The following ABHD2 variants were observed in gnomAD, a reference collection of about 807,000 sequenced individuals.
ABHD2 encodes abhydrolase domain containing 2, acylglycerol lipase.
In ABHD2, 20 loss-of-function variants were observed where a neutral mutation model predicts 48.1. That is an observed-to-expected ratio of 0.42 (90% confidence interval 0.29 to 0.60). The LOEUF is 0.60. ABHD2 is among the 20% of genes least tolerant of loss of function. The probability of loss-of-function intolerance (pLI) is 0.24; values close to 1 mark genes in which losing one functional copy is unlikely to be tolerated. For synonymous variants in ABHD2, 209 were observed against 214.2 expected, an observed-to-expected ratio of 0.98 and a Z score of 0.21; for missense variants, 405 against 550.9, an observed-to-expected ratio of 0.74 and a Z score of 2.65.
At chr15:89,133,033 T>G (rs1487737581) in intron 3 of ABHD2, among the ~76,000 whole-genome samples, 1 of 152,226 alleles carries the variant, frequency 6.6e-6, no homozygotes, top group Non-Finnish European at 1.5e-5. Context: ...ATCATTTCCT[T>G]CCTCTTACAT....
the ABHD2 span, among the ~76,000 whole-genome samples, chr15:89,069,065 T>C: frequency 6.6e-6 from 1 of 151,544 alleles, no homozygotes; most frequent in Non-Finnish European, 1.5e-5. Context: ...ACAGAAGATA[T>C]TGGTATGTCA....
At chr15:89,041,005 T>C in the ABHD2 span, among the ~76,000 whole-genome samples, 1 of 152,236 alleles carries the variant, frequency 6.6e-6, no homozygotes. Context: ...AATAGGGCTC[T>C]AGCAAGAAGA....
In ABHD2 at chr15:89,201,292, TGTTA is replaced by T. The variant is rs1358267537; in HGVS notation, c.*5873_*5876del. Reference sequence around the variant, plus strand: ...CTCCCTGAAGTCTTTTACACTCTTCTGTTAGTTTCCTTGTTTCAGTATCATGAAG... The same window carrying T: ...CTCCCTGAAGTCTTTTACACTCTTCTGTTTCCTTGTTTCAGTATCATGAAG... On this transcript the variant is annotated 3_prime_UTR_variant, in exon 11 of 11. Transcript: ENST00000352732. 1 of 1,152,346 alleles carries T rather than the reference TGTTA, an allele frequency of 8.7e-7. No homozygotes were observed. Among genetic ancestry groups the T allele is most frequent in the Non-Finnish European group, 1.3e-6 (1 of 776,604 alleles). The allele number at this position is 1,152,346 out of a possible 1,614,324, so 71.4% of individuals were successfully genotyped here. A position where few individuals can be genotyped will look rare whatever the true frequency, so the allele number is the denominator to read the frequency against.
chr15:89,201,853 C>T lies in ABHD2; in HGVS notation c.*6430C>T, dbSNP rs1014151202. 8 of 913,320 alleles carry T rather than the reference C, an allele frequency of 8.8e-6. No individual in the cohort carries two copies. Among genetic ancestry groups the T allele is most frequent in the African/African-American group, 5.0e-5 (3 of 59,484 alleles). The allele number at this position is 913,320 out of a possible 1,614,324, so 56.6% of individuals were successfully genotyped here. ...CGGCTTGCTCGCTGGGGGCGGGGGA[C>T]GATGGCGAGAGGGGAGGGGGAGCGA... is the stretch of plus-strand genomic sequence containing the variant. On this transcript the variant is annotated 3_prime_UTR_variant, in exon 11 of 11. Coordinates refer to ENST00000352732, the MANE Select transcript of ABHD2 (RefSeq NM_152924.5).
intron 3 of ABHD2, among the ~76,000 whole-genome samples, chr15:89,150,106 G>A (rs575427298): frequency 6.6e-5 from 10 of 152,284 alleles, no homozygotes; most frequent in African/African-American, 2.2e-4. Context: ...TATTTTCTGA[G>A]ATTATATTGT....
At chr15:89,051,554 C>T in the ABHD2 span, among the ~76,000 whole-genome samples, 2 of 152,134 alleles carry the variant, frequency 1.3e-5, no homozygotes, top group Admixed American at 1.3e-4. Context: ...CAAATCTCAT[C>T]TTGAATTGTA....
Position 89,146,005 on chromosome 15 carries a change from T to TA in ABHD2, c.195-5671dup, listed in dbSNP as rs2050485170. On this transcript the variant is annotated intron_variant, in intron 3 of 10. Transcript: ENST00000352732. The surrounding 1 kb of genome is among the most constrained non-coding windows in gnomAD (Gnocchi z 4.2). ...GACAGAAACTTCAAATGCTGAGGAG[T>TA]AGCTGCTGATGGGCATTTTGTTCAC... Among the ~76,000 whole-genome samples, 1 of 152,026 alleles carries TA rather than the reference T, an allele frequency of 6.6e-6. No homozygotes were observed. The highest frequency in any genetic ancestry group is 6.6e-5 in the Admixed American group (1 of 15,266).
At chr15:89,067,407 G>A in the ABHD2 span, among the ~76,000 whole-genome samples, 910 of 152,306 alleles carry the variant, frequency 6.0e-3, 13 homozygotes, top group African/African-American at 0.021. Context: ...AATAGCCTGG[G>A]AGTGCTAGAA....
Position 89,168,132 on chromosome 15 carries a change from T to C in ABHD2, c.539-7680T>C, listed in dbSNP as rs1033559950. Reference sequence around the variant, plus strand: ...TGCTAGTGTCATTTGGGGAAGTGGCTGTTGAAATAATAGCTTTCAGGCAGC... The same window carrying C: ...TGCTAGTGTCATTTGGGGAAGTGGCCGTTGAAATAATAGCTTTCAGGCAGC... On this transcript the variant is annotated intron_variant, in intron 5 of 10. Transcript: ENST00000352732. The surrounding 1 kb of genome is among the most constrained non-coding windows in gnomAD (Gnocchi z 4.8). Among the ~76,000 whole-genome samples, 5 of 152,222 alleles carry C rather than the reference T, an allele frequency of 3.3e-5. No individual in the cohort carries two copies. Among genetic ancestry groups the C allele is most frequent in the African/African-American group, 1.2e-4 (5 of 41,460 alleles).
chr15:89,190,357 G>T (rs2051283606), intron 8 of ABHD2, among the ~76,000 whole-genome samples: 2 of 152,384 alleles, frequency 1.3e-5, no homozygotes, highest in African/African-American at 4.8e-5. Flanking sequence ...TGAAGGTTTT[G>T]TTACATGCCA....
rs979502872 is a variant in ABHD2 at position 89,113,793 on chromosome 15, C to G, written c.-38C>G. The stretch of plus-strand genomic sequence containing the variant: ...ACTGTACAACTCTTCAAGGAAAATT[C>G]GTATTTGCAGTGGGAAGAATAAGTA... On this transcript the variant is annotated 5_prime_UTR_variant, in exon 2 of 11. Transcript: ENST00000352732. 15 of 152,142 alleles carry G rather than the reference C, an allele frequency of 9.9e-5. No homozygotes were observed. Among genetic ancestry groups the G allele is most frequent in the African/African-American group, 3.6e-4 (15 of 41,412 alleles). The allele number at this position is 152,142 out of a possible 1,614,324, so 9.4% of individuals were successfully genotyped here. A position where few individuals can be genotyped will look rare whatever the true frequency, so the allele number is the denominator to read the frequency against.
At chr15:89,072,665 T>C in the ABHD2 span, among the ~76,000 whole-genome samples, 14 of 152,166 alleles carry the variant, frequency 9.2e-5, no homozygotes, top group Admixed American at 9.2e-4. Context: ...CATTTGTTAC[T>C]GCAGGATAAC....
chr15:89,201,503 C>G lies in ABHD2; in HGVS notation c.*6080C>G. On this transcript the variant is annotated 3_prime_UTR_variant, in exon 11 of 11. Coordinates refer to ENST00000352732, the MANE Select transcript of ABHD2 (RefSeq NM_152924.5). ...TCCATATCTGAAGTGTTTAGTGGAG[C>G]AAAAATTGTACCATAAACTTGTGTT... 1 of 1,586,982 alleles carries G rather than the reference C, an allele frequency of 6.3e-7. No individual in the cohort carries two copies. The highest frequency in any genetic ancestry group is 8.7e-7 in the Non-Finnish European group (1 of 1,155,856).
chr15:89,108,820 A>G (rs1251672234), intron 1 of ABHD2, among the ~76,000 whole-genome samples: 3 of 152,238 alleles, frequency 2.0e-5, no homozygotes, highest in African/African-American at 7.2e-5. Flanking sequence ...GTAATCATCT[A>G]TGAAGTAGGC....
intron 3 of ABHD2, among the ~76,000 whole-genome samples, chr15:89,130,502 GT>G (rs1272637513): frequency 6.6e-6 from 1 of 152,154 alleles, no homozygotes; most frequent in Non-Finnish European, 1.5e-5. Context: ...TCTGTTTCTG[GT>G]TGGTCCGGTA....
the ABHD2 span, among the ~76,000 whole-genome samples, chr15:89,050,765 G>T: frequency 3.5e-4 from 53 of 152,288 alleles, no homozygotes; most frequent in African/African-American, 1.2e-3. Context: ...GAAGGCAAGG[G>T]CAGCCTGAGT....
chr15:89,120,555 C>G lies in ABHD2; in HGVS notation c.194+4034C>G, dbSNP rs886722233. On this transcript the variant is annotated intron_variant, in intron 3 of 10. Transcript: ENST00000352732. This position sits in a 1 kb window ranked among gnomAD's most constrained non-coding sequence, Gnocchi z 4.2. ...AGTACAGTGGCGCAATCTCAAATCT[C>G]GGTTCACTGCAACTTCTGCCTCACG... 1.3e-5 allele frequency among the ~76,000 whole-genome samples: 2 copies of G among 152,140 alleles called. No homozygotes were observed. The highest frequency in any genetic ancestry group is 1.3e-4 in the Admixed American group (2 of 15,280).
At chr15:89,169,387 C>A (rs1310451869) in intron 5 of ABHD2, among the ~76,000 whole-genome samples, 2 of 152,192 alleles carry the variant, frequency 1.3e-5, no homozygotes, top group African/African-American at 4.8e-5. Flanking sequence ...GAACACTGTA[C>A]ATCTGTTGTT....
chr15:89,164,295 C>T lies in ABHD2; in HGVS notation c.538+8761C>T, dbSNP rs2150909628. 6.6e-6 allele frequency among the ~76,000 whole-genome samples: 1 copy of T among 152,298 alleles called. No homozygotes were observed. The highest frequency in any genetic ancestry group is 1.9e-4 in the East Asian group (1 of 5,188). On this transcript the variant is annotated intron_variant, in intron 5 of 10. Transcript: ENST00000352732. The surrounding 1 kb of genome is among the most constrained non-coding windows in gnomAD (Gnocchi z 5.0). ...TTTGTCCAAAAGGAATATTTACCAA[C>T]AGCAACCTTTTCACAGACAGGGACC...
Sources: allele counts gnomAD v4.1 joint callset (sites outside exome capture counted in the v4.1 genomes callset), GRCh38; gene constraint gnomAD v4.1.1; non-coding constraint Gnocchi (gnomAD v3.1); transcripts MANE v1.5; gene names NCBI Gene and HGNC (gene_info 2026-07-23, HGNC 2026-07-21).